RPH3AL: variants seen among roughly 807,000 people sequenced by gnomAD.
The protein encoded by RPH3AL is rabphilin 3A like (without C2 domains).
RPH3AL carries 38 observed loss-of-function variants against 43.1 expected under a neutral mutation model. The ratio of observed to expected loss-of-function variants is 0.88; its 90% confidence interval spans 0.68 to 1.15. The LOEUF (loss-of-function observed/expected upper bound fraction) is 1.15. Ranked by LOEUF, RPH3AL falls within the 50% of genes most tolerant of loss-of-function variation. The probability of loss-of-function intolerance (pLI) is 0.00; values close to 1 mark genes in which losing one functional copy is unlikely to be tolerated. For synonymous variants in RPH3AL, 189 were observed against 176.3 expected (o/e 1.07, Z -0.57); for missense variants, 462 against 423.2 (o/e 1.09, Z -0.81).
Position 328,475 on chromosome 17 carries a change from G to C in RPH3AL, c.-36-896C>G, listed in dbSNP as rs1324872248. Among the ~76,000 whole-genome samples the C allele has an allele frequency of 6.6e-6, 1 of 151,958 alleles. No homozygotes were observed. Among genetic ancestry groups the C allele is most frequent in the East Asian group, 1.9e-4 (1 of 5,170 alleles). ...CCTTTACACTCTTAAAAAAGATCCA[G>C]GTTCGAAATCCGTTTGACACTTCCT... On this transcript the variant is annotated intron_variant, in intron 2 of 9. Transcript: ENST00000331302. The surrounding 1 kb of genome is among the most constrained non-coding windows in gnomAD (Gnocchi z 4.2).
At chr17:269,129 T>C (rs554838190) in intron 6 of RPH3AL, among the ~76,000 whole-genome samples, 36 of 152,230 alleles carry the variant, frequency 2.4e-4, no homozygotes, top group Middle Eastern at 3.4e-3. Context: ...CCGCCCGCCT[T>C]GGCTTCCTAA....
intron 5 of RPH3AL, among the ~76,000 whole-genome samples, chr17:314,497 T>TTGACCTGTAGTCCCTGTG (rs568971211): frequency 8.3e-6 from 1 of 120,840 alleles, no homozygotes; most frequent in Admixed American, 8.5e-5. Context: ...GTAGTCCCTA[T>TTGACCTGTAGTCCCTGTG]ACTCCACGTC....
At position 215,594 on chromosome 17, in the gene RPH3AL, G is replaced by C. The variant is rs573867041; in HGVS notation, c.876+60C>G. The C allele has an allele frequency of 1.2e-5, 15 of 1,239,466 alleles. No homozygotes were observed. The highest frequency in any genetic ancestry group is 1.5e-5 in the Non-Finnish European group (15 of 983,176). The allele number at this position is 1,239,466 out of a possible 1,614,324, so 76.8% of individuals were successfully genotyped here. On this transcript the variant is annotated intron_variant, in intron 9 of 9. Coordinates refer to ENST00000331302, the MANE Select transcript of RPH3AL (RefSeq NM_006987.4). This position sits in a 1 kb window ranked among gnomAD's most constrained non-coding sequence, Gnocchi z 4.1. Reference sequence around the variant, plus strand: ...CCAGTCTCCAGTTTGGGAGGAGTGAGTGAGAGAGGACACGGCCGCGGGGGC... The same window carrying C: ...CCAGTCTCCAGTTTGGGAGGAGTGACTGAGAGAGGACACGGCCGCGGGGGC...
chr17:285,666 G>A (rs536294895), intron 5 of RPH3AL, among the ~76,000 whole-genome samples: 57 of 152,140 alleles, frequency 3.7e-4, no homozygotes, highest in Admixed American at 5.9e-4. Flanking sequence ...TCACGTGGCC[G>A]GTGGCTACCG....
At chr17:315,196 T>TC (rs1289901865) in intron 5 of RPH3AL, among the ~76,000 whole-genome samples, 1 of 632 alleles carries the variant, frequency 1.6e-3, no homozygotes, top group Non-Finnish European at 3.3e-3. Context: ...GTCCCTGTGC[T>TC]CCACCTCCAT....
chr17:336,228 G>A (rs564009336), intron 1 of RPH3AL, among the ~76,000 whole-genome samples: 1 of 152,292 alleles, frequency 6.6e-6, no homozygotes, highest in East Asian at 1.9e-4. Flanking sequence ...GAAACACGAG[G>A]AGGGCAGCAA....
In RPH3AL at chr17:243,489, CTACCTTCCTCTATTGAT is replaced by C. The variant is rs1555538161; in HGVS notation, c.613+3605_613+3621del. 1.0e-3 allele frequency among the ~76,000 whole-genome samples: 129 copies of C among 126,138 alleles called. 2 individuals are homozygous for C. The highest frequency in any genetic ancestry group is 6.1e-3 in the South Asian group (22 of 3,610). The allele number at this position is 126,138 out of a possible 152,430, so 82.8% of individuals were successfully genotyped here. ...TCTATTGACTACCTTCCTCTATTGA[CTACCTTCCTCTATTGAT>C]TACCTTCCTCTATTGATTACCTTTC... On this transcript the variant is annotated intron_variant, in intron 7 of 9. Transcript: ENST00000331302.
intron 1 of RPH3AL, among the ~76,000 whole-genome samples, chr17:347,708 A>G (rs1380597721): frequency 6.6e-6 from 1 of 152,242 alleles, no homozygotes; most frequent in Non-Finnish European, 1.5e-5. Flanking sequence ...ATGCAAATAA[A>G]CTGAACAGTT....
chr17:303,510 T>G, intron 5 of RPH3AL, among the ~76,000 whole-genome samples: 2 of 131,576 alleles, frequency 1.5e-5, no homozygotes, highest in Admixed American at 7.5e-5. Context: ...TTTTAATAAT[T>G]ATTGAGCAGT....
chr17:215,724 C>T lies in RPH3AL; in HGVS notation c.806G>A (p.Ser269Asn). ...AGCAGAGCCTGTCCCCGTCTCACCA[C>T]TGGCCAGGCTGCTCTGGCACCCAGA... is the stretch of plus-strand genomic sequence containing the variant. ...HLSGCQSSLA[S>N]GETGTGSADP... The change falls in exon 9 of 10, where the codon AGT becomes AAT. Residue 269 changes from serine (S) to asparagine (N), a missense_variant. Ser to Asn is a conservative substitution (Grantham distance 46, BLOSUM62 1). Transcript: ENST00000331302. This position sits in a 1 kb window ranked among gnomAD's most constrained non-coding sequence, Gnocchi z 4.1. 3.1e-6 allele frequency: 4 copies of T among 1,301,102 alleles called. No individual in the cohort carries two copies. Among genetic ancestry groups the T allele is most frequent in the Non-Finnish European group, 3.9e-6 (4 of 1,021,136 alleles). 80.6% of individuals were successfully genotyped at this position (1,301,102 alleles called of 1,614,324 possible). A position where few individuals can be genotyped will look rare whatever the true frequency, so the allele number is the denominator to read the frequency against.
intron 6 of RPH3AL, among the ~76,000 whole-genome samples, chr17:269,857 C>T (rs564361011): frequency 9.2e-5 from 14 of 152,306 alleles, no homozygotes; most frequent in South Asian, 2.1e-4. Flanking sequence ...AGTGCACAGA[C>T]GTGGGCTCAG....
intron 6 of RPH3AL, among the ~76,000 whole-genome samples, chr17:256,262 C>T (rs1416437920): frequency 4.9e-4 from 43 of 86,914 alleles, no homozygotes; most frequent in African/African-American, 1.3e-3. Context: ...AGCCGCACGG[C>T]GTCTGTCCTT....
chr17:235,601 C>A (rs113954477), intron 7 of RPH3AL, among the ~76,000 whole-genome samples: 259 of 48,772 alleles, frequency 5.3e-3, no homozygotes, highest in African/African-American at 6.2e-3. Flanking sequence ...AGACGGATCC[C>A]GGGTTCAAAG....
At chr17:315,410 C>G (rs71283539) in intron 5 of RPH3AL, among the ~76,000 whole-genome samples, 337 of 3,886 alleles carry the variant, frequency 0.087, no homozygotes, top group East Asian at 0.18. Flanking sequence ...AGTCCCTGTG[C>G]CCCCACCTCC....
In RPH3AL at chr17:323,179, G is replaced by C. The variant is rs979239034; in HGVS notation, c.78-1764C>G. 4.6e-5 allele frequency among the ~76,000 whole-genome samples: 7 copies of C among 151,968 alleles called. No homozygotes were observed. Among genetic ancestry groups the C allele is most frequent in the Non-Finnish European group, 1.0e-4 (7 of 67,986 alleles). On this transcript the variant is annotated intron_variant, in intron 3 of 9. Transcript: ENST00000331302. The surrounding 1 kb of genome is among the most constrained non-coding windows in gnomAD (Gnocchi z 4.4). ...GAGGGAGGCGGGTTCAGGCAGAGGA[G>C]ATCACACACGAAAGGCAGGGGGCAT...
intron 1 of RPH3AL, among the ~76,000 whole-genome samples, chr17:342,926 C>T (rs1321702639): frequency 6.6e-5 from 10 of 152,260 alleles, no homozygotes; most frequent in Non-Finnish European, 1.0e-4. Context: ...AGAAACACCA[C>T]GACAGATCAA....
chr17:350,699 C>T (rs941342637), intron 1 of RPH3AL, among the ~76,000 whole-genome samples: 1 of 152,196 alleles, frequency 6.6e-6, no homozygotes, highest in African/African-American at 2.4e-5. Flanking sequence ...TTAAACCAAG[C>T]TGGTCCCTGA....
intron 7 of RPH3AL, among the ~76,000 whole-genome samples, chr17:222,806 C>T (rs2041022601): frequency 6.6e-6 from 1 of 152,172 alleles, no homozygotes; most frequent in Admixed American, 6.5e-5. Flanking sequence ...ACTGCAGAAT[C>T]CTCCTTTTTC....
chr17:306,102 C>G (rs887047966), intron 5 of RPH3AL, among the ~76,000 whole-genome samples: 7 of 150,562 alleles, frequency 4.6e-5, no homozygotes, highest in Admixed American at 4.6e-4. Context: ...CTCAAGCAAT[C>G]TTCTCACCTT....
Sources: gnomAD v4.1 joint callset for allele counts (sites outside exome capture counted in the v4.1 genomes callset) on GRCh38, gnomAD v4.1.1 for gene constraint, Gnocchi (gnomAD v3.1) non-coding constraint, MANE v1.5 for transcripts, NCBI Gene and HGNC (gene_info 2026-07-23, HGNC 2026-07-21) for gene names.